ZZZ3: variants seen among roughly 807,000 people sequenced by gnomAD.
ZZZ3 encodes the protein zinc finger ZZ-type containing 3, also known as ZZ-type zinc finger-containing protein 3.
A neutral mutation model predicts 95.2 loss-of-function variants in ZZZ3; 22 were observed. That is an observed-to-expected ratio of 0.23 (90% CI 0.17 to 0.33). The LOEUF (loss-of-function observed/expected upper bound fraction) is 0.33. Ranked by LOEUF, ZZZ3 falls within the 10% of genes least tolerant of loss-of-function variation. The pLI, the probability that ZZZ3 is intolerant of heterozygous loss-of-function variation, is 1.00. For missense variants in ZZZ3, 885 were observed against 1,066.5 expected (o/e 0.83, Z 2.37); for synonymous variants, 335 against 358.9 (o/e 0.93, Z 0.75).
intron 5 of ZZZ3, among the ~76,000 whole-genome samples, chr1:77,625,261 C>T (rs1310172863): frequency 6.6e-6 from 1 of 152,064 alleles, no homozygotes; most frequent in Non-Finnish European, 1.5e-5. Flanking sequence ...GAATTTAGAT[C>T]TGGTAACTTA....
chr1:77,649,082 G>A (rs1235378990), intron 1 of ZZZ3, among the ~76,000 whole-genome samples: 4 of 151,968 alleles, frequency 2.6e-5, no homozygotes, highest in Admixed American at 2.6e-4. Context: ...AGCCGAGATT[G>A]CACCACTTCA....
In ZZZ3 at chr1:77,632,655, A is replaced by T. The variant is rs1057091377; in HGVS notation, c.700T>A (p.Leu234Ile). The change falls in exon 5 of 15, where the codon TTA (leucine) becomes ATA (isoleucine). Residue 234 changes from leucine (L) to isoleucine (I), a missense_variant. By Grantham distance (5) the Leu-to-Ile change is conservative. Around this residue, in one of 5 missense-constraint regions of ZZZ3, gnomAD observed 556 missense variants for 652.9 expected, o/e 0.85. Coordinates refer to ENST00000370801, the MANE Select transcript of ZZZ3 (RefSeq NM_015534.6). The part of the protein sequence containing the change: ...TKQNSIGSYV[L>I]QEKSVAENGD... ...TTTTCAGCTACTGATTTTTCCTGTA[A>T]CACATAGGAACCAATGCTATTTTGT... is the stretch of plus-strand genomic sequence containing the variant. The T allele has an allele frequency of 1.9e-6, 3 of 1,614,152 alleles. No individual in the cohort carries two copies. Among genetic ancestry groups the T allele is most frequent in the Non-Finnish European group, 2.5e-6 (3 of 1,180,014 alleles).
At chr1:77,579,444 C>G in intron 10 of ZZZ3, 83 bp downstream of exon 10, 1 of 965,052 alleles carries the variant, frequency 1.0e-6, no homozygotes, top group South Asian at 1.4e-5. Context: ...TATGGCAGAT[C>G]GCCCAATGTC....
chr1:77,579,602 T>C lies in ZZZ3; in HGVS notation c.2007A>G (p.Lys669=). The C allele has an allele frequency of 6.3e-7, 1 of 1,584,592 alleles. No homozygotes were observed. Residue 669 remains lysine, a synonymous_variant, in exon 10 of 15, where the codon AAA becomes AAG. Transcript: ENST00000370801. ...EQKKLEQLLI[K]YPPEEVESRR... is the part of the protein sequence containing the mutation. The stretch of plus-strand genomic sequence containing the variant: ...GAGATTCTACTTCTTCAGGAGGGTA[T>C]TTGATGAGTAGCTGTTCCAGCTTTT...
At chr1:77,653,648 G>A (rs1263057417) in intron 1 of ZZZ3, among the ~76,000 whole-genome samples, 2 of 151,966 alleles carry the variant, frequency 1.3e-5, no homozygotes, top group East Asian at 1.9e-4. Flanking sequence ...AGCTACTCGG[G>A]AGGCTGAGGC....
intron 1 of ZZZ3, among the ~76,000 whole-genome samples, chr1:77,656,482 T>G (rs1272060755): frequency 6.6e-6 from 1 of 152,174 alleles, no homozygotes; most frequent in Non-Finnish European, 1.5e-5. Flanking sequence ...AATAAAATAA[T>G]CTAAAGGAGA....
At chr1:77,639,373 TC>T in intron 4 of ZZZ3, 75 bp downstream of exon 4, 1 of 1,210,094 alleles carries the variant, frequency 8.3e-7, no homozygotes, top group Non-Finnish European at 1.1e-6. Context: ...ATAACAAGTC[TC>T]CCCATCTCAA....
intron 5 of ZZZ3, among the ~76,000 whole-genome samples, chr1:77,604,290 T>G (rs984890559): frequency 4.6e-5 from 7 of 152,230 alleles, no homozygotes; most frequent in African/African-American, 1.7e-4. Context: ...CCCAAGTGAT[T>G]CTAATATGCA....
intron 5 of ZZZ3, among the ~76,000 whole-genome samples, chr1:77,608,128 C>T (rs546103792): frequency 6.6e-5 from 10 of 152,046 alleles, no homozygotes; most frequent in African/African-American, 2.2e-4. Context: ...ACTTCCCAAA[C>T]CTAGAGAAAG....
intron 5 of ZZZ3, among the ~76,000 whole-genome samples, chr1:77,596,177 G>A (rs1664196721): frequency 6.6e-6 from 1 of 152,042 alleles, no homozygotes; most frequent in South Asian, 2.1e-4. Flanking sequence ...TGAAAGTTTG[G>A]ATTAGACTTT....
At chr1:77,609,294 G>T (rs1003469659) in intron 5 of ZZZ3, among the ~76,000 whole-genome samples, 1 of 152,034 alleles carries the variant, frequency 6.6e-6, no homozygotes, top group Non-Finnish European at 1.5e-5. Context: ...AGACAAAGAA[G>T]GTCACTATGT....
At chr1:77,616,386 C>G (rs768550690) in intron 5 of ZZZ3, among the ~76,000 whole-genome samples, 5 of 152,152 alleles carry the variant, frequency 3.3e-5, no homozygotes, top group Non-Finnish European at 5.9e-5. Context: ...GTCCATTGAA[C>G]CCTGTAGTTT....
Position 77,632,789 on chromosome 1 carries a change from T to C in ZZZ3, c.566A>G (p.Asn189Ser), listed in dbSNP as rs764318100. 1.8e-5 allele frequency: 29 copies of C among 1,614,188 alleles called. No individual in the cohort carries two copies. In the South Asian group the frequency reaches 3.1e-4, roughly 17 times the overall value. Residue 189 changes from asparagine (N) to serine (S), a missense_variant, in exon 5 of 15, where the codon AAT becomes AGT. Coordinates refer to ENST00000370801, the MANE Select transcript of ZZZ3 (RefSeq NM_015534.6). The stretch of plus-strand genomic sequence containing the variant: ...TGTGATTTCTTCAACTACTGCAGAA[T>C]TAAGTGGCCCTTCCTCACTGACATT... Reference protein sequence around the residue: ...KVNVSEEGPLNSAVVEEITGY... With the variant: ...KVNVSEEGPLSSAVVEEITGY...
intron 5 of ZZZ3, among the ~76,000 whole-genome samples, chr1:77,589,213 C>T (rs7525538): frequency 0.021 from 3,163 of 152,222 alleles, 37 homozygotes; most frequent in Middle Eastern, 0.065. Context: ...AACAGAAAGA[C>T]ATTTTAGCTT....
intron 13 of ZZZ3, among the ~76,000 whole-genome samples, chr1:77,567,162 A>C (rs1388637115): frequency 6.6e-6 from 1 of 152,154 alleles, no homozygotes; most frequent in East Asian, 1.9e-4. Flanking sequence ...CACCAACACC[A>C]CCAAGTTTAT....
In ZZZ3 at chr1:77,669,754, C is replaced by T. The variant is rs190588361; in HGVS notation, c.-403+12831G>A. 3.3e-5 allele frequency among the ~76,000 whole-genome samples: 5 copies of T among 151,972 alleles called. No individual in the cohort carries two copies. The East Asian group carries it at 7.8e-4, about 24-fold the overall frequency. ...ATTACAGGCGTGAGCCACTGCGCCC[C>T]GGCCTCTCCGTTTCTTAAAAGTTTA... On this transcript the variant is annotated intron_variant, in intron 1 of 14. Coordinates refer to ENST00000370801, the MANE Select transcript of ZZZ3 (RefSeq NM_015534.6).
At chr1:77,666,893 G>A (rs1671295473) in intron 1 of ZZZ3, among the ~76,000 whole-genome samples, 1 of 152,156 alleles carries the variant, frequency 6.6e-6, no homozygotes. Context: ...AACTCCCTCA[G>A]GGAAAACCTT....
chr1:77,594,733 T>C (rs776102891), intron 5 of ZZZ3, among the ~76,000 whole-genome samples: 1 of 151,830 alleles, frequency 6.6e-6, no homozygotes, highest in Non-Finnish European at 1.5e-5. Flanking sequence ...TTGCCAAATT[T>C]ATGAACATGA....
chr1:77,642,880 A>C (rs1027690399), intron 1 of ZZZ3, among the ~76,000 whole-genome samples: 1 of 152,240 alleles, frequency 6.6e-6, no homozygotes, highest in African/African-American at 2.4e-5. Flanking sequence ...AGAGCGATTA[A>C]GAAACATCTA....
Sources: gnomAD v4.1 joint callset for allele counts (sites outside exome capture counted in the v4.1 genomes callset) on GRCh38, gnomAD v4.1.1 for gene constraint, gnomAD v4.1.1 regional missense constraint, MANE v1.5 for transcripts, NCBI Gene and HGNC (gene_info 2026-07-23, HGNC 2026-07-21) for gene names.